The following TPD52 variants were observed in gnomAD, a reference collection of about 807,000 sequenced individuals.
TPD52 encodes prostate and colon associated protein.
In TPD52, 17 loss-of-function variants were observed where a neutral mutation model predicts 31.3. The ratio of observed to expected loss-of-function variants is 0.54; its 90% CI spans 0.37 to 0.82. The LOEUF is 0.82. TPD52 is among the 40% of genes least tolerant of loss of function. TPD52 has a pLI of 0.00. For missense variants in TPD52, 212 were observed against 240.1 expected (o/e 0.88, Z 0.77); for synonymous variants, 83 against 89.6 (o/e 0.93, Z 0.42).
intron 1 of TPD52, among the ~76,000 whole-genome samples, chr8:80,161,473 C>T (rs1811356170): frequency 6.6e-6 from 1 of 152,128 alleles, no homozygotes; most frequent in South Asian, 2.1e-4. Flanking sequence ...TACATTCATA[C>T]TTGAACTGCA....
intron 1 of TPD52, among the ~76,000 whole-genome samples, chr8:80,087,125 T>A (rs1226635851): frequency 6.6e-6 from 1 of 152,108 alleles, no homozygotes; most frequent in Non-Finnish European, 1.5e-5. Flanking sequence ...GAGTAGAGAA[T>A]GCAGGTGTCC....
At chr8:80,142,108 C>T (rs987460549) in intron 1 of TPD52, among the ~76,000 whole-genome samples, 5 of 152,134 alleles carry the variant, frequency 3.3e-5, no homozygotes, top group Non-Finnish European at 7.3e-5. Context: ...GAATCTCACT[C>T]ACCAGCATCA....
intron 1 of TPD52, among the ~76,000 whole-genome samples, chr8:80,121,768 T>G (rs1233082726): frequency 2.0e-5 from 3 of 152,172 alleles, no homozygotes; most frequent in African/African-American, 7.2e-5. Context: ...TGGTCCTCTT[T>G]TATCTCCTTT....
At chr8:80,074,339 C>T (rs1034160149) in intron 1 of TPD52, among the ~76,000 whole-genome samples, 2 of 152,096 alleles carry the variant, frequency 1.3e-5, no homozygotes, top group African/African-American at 2.4e-5. Flanking sequence ...ATGTTTTTTC[C>T]CCATGTTAAG....
At chr8:80,096,291 A>AAC (rs34309218) in intron 1 of TPD52, among the ~76,000 whole-genome samples, 2,041 of 146,892 alleles carry the variant, frequency 0.014, 28 homozygotes, top group African/African-American at 0.033. Context: ...CACACACACA[A>AAC]ACACACACAC....
chr8:80,042,244 C>A, intron 7 of TPD52: 3 of 985,338 alleles, frequency 3.0e-6, no homozygotes, highest in Non-Finnish European at 3.6e-6. Context: ...AGTGGTAGGA[C>A]CAATTTTTTG....
chr8:80,052,541 T>C (rs1316580437), intron 3 of TPD52: 3 of 1,069,180 alleles, frequency 2.8e-6, no homozygotes, highest in African/African-American at 1.7e-5. Flanking sequence ...ACTCAAGTAC[T>C]GTCATGTTAA....
At position 80,044,305 on chromosome 8, in the gene TPD52, A is replaced by G. The variant is rs1001654803; in HGVS notation, c.414-97T>C. The G allele has an allele frequency of 8.6e-6, 8 of 926,596 alleles. No homozygotes were observed. In the African/African-American group the frequency reaches 1.4e-4, roughly 16 times the overall value. The allele number at this position is 926,596 out of a possible 1,614,324, so 57.4% of individuals were successfully genotyped here. On this transcript the variant is annotated intron_variant, in intron 5 of 7. Transcript: ENST00000518937. ...CAAAACTTAGCTCCCCAGGAGCTTT[A>G]TTCTCTTGGCGCCATGAAGAATTAC... is the stretch of plus-strand genomic sequence containing the variant.
intron 2 of TPD52, among the ~76,000 whole-genome samples, chr8:80,062,557 T>G (rs1183856300): frequency 6.6e-6 from 1 of 152,190 alleles, no homozygotes; most frequent in South Asian, 2.1e-4. Context: ...CTAGGACTAC[T>G]ATAATCAACA....
chr8:80,094,846 A>C (rs1048869245), intron 1 of TPD52, among the ~76,000 whole-genome samples: 3 of 152,136 alleles, frequency 2.0e-5, no homozygotes, highest in African/African-American at 7.2e-5. Flanking sequence ...CTTTCCTGAA[A>C]ATATAAGCAA....
At chr8:80,072,933 A>G (rs1171234167) in intron 1 of TPD52, among the ~76,000 whole-genome samples, 1 of 151,660 alleles carries the variant, frequency 6.6e-6, no homozygotes, top group East Asian at 1.9e-4. Flanking sequence ...TGAAACCTCA[A>G]CTCTACTAAA....
chr8:80,049,043 T>C (rs778906280), intron 5 of TPD52, among the ~76,000 whole-genome samples: 10 of 152,332 alleles, frequency 6.6e-5, no homozygotes, highest in Admixed American at 2.0e-4. Flanking sequence ...CTTTAAGGTA[T>C]AGAAAGGTAT....
intron 2 of TPD52, among the ~76,000 whole-genome samples, chr8:80,057,717 T>C (rs1456516395): frequency 6.6e-6 from 1 of 152,128 alleles, no homozygotes; most frequent in East Asian, 1.9e-4. Context: ...TGTTCACTAC[T>C]TGGGCAACAG....
At chr8:80,141,987 C>G (rs4581097) in intron 1 of TPD52, among the ~76,000 whole-genome samples, 77,396 of 151,810 alleles carry the variant, frequency 0.51, 20,243 homozygotes, top group East Asian at 0.78. Context: ...GCAATAGATA[C>G]TAAGATAATA....
intron 1 of TPD52, among the ~76,000 whole-genome samples, chr8:80,094,209 A>G (rs1435172580): frequency 6.6e-6 from 1 of 151,970 alleles, no homozygotes; most frequent in Non-Finnish European, 1.5e-5. Flanking sequence ...CTCCTGAAAC[A>G]CAGCCAGATC....
rs530019172 is a variant in TPD52 at position 80,126,287 on chromosome 8, T to A, written c.19+45138A>T. Reference sequence around the variant, plus strand: ...TCTCAAATTCTATAACTTATTCTGGTTTTATTCTTTTCTTTCACAGGGAAA... The same window carrying A: ...TCTCAAATTCTATAACTTATTCTGGATTTATTCTTTTCTTTCACAGGGAAA... On this transcript the variant is annotated intron_variant, in intron 1 of 7. Coordinates refer to ENST00000518937, the MANE Select transcript of TPD52 (RefSeq NM_001025253.3). 2.4e-4 allele frequency among the ~76,000 whole-genome samples: 37 copies of A among 152,192 alleles called. 1 individual carries two copies. The South Asian group carries it at 7.1e-3, about 29-fold the overall frequency.
chr8:80,054,744 G>GAAA (rs34889193), intron 2 of TPD52, among the ~76,000 whole-genome samples: 7 of 144,650 alleles, frequency 4.8e-5, no homozygotes, highest in South Asian at 4.3e-4. Flanking sequence ...CAGCTGCCAA[G>GAAA]AAAAAAAAAA....
intron 1 of TPD52, among the ~76,000 whole-genome samples, chr8:80,089,181 A>G (rs912972036): frequency 6.6e-6 from 1 of 152,248 alleles, no homozygotes; most frequent in African/African-American, 2.4e-5. Context: ...CCCTGCATGG[A>G]ACAGAAGCGG....
intron 1 of TPD52, among the ~76,000 whole-genome samples, chr8:80,166,833 G>A (rs1298852454): frequency 6.6e-6 from 1 of 152,040 alleles, no homozygotes; most frequent in Non-Finnish European, 1.5e-5. Context: ...TTGAACCCAG[G>A]AGGCAGAGGT....
Sources: gnomAD v4.1 joint callset for allele counts (sites outside exome capture counted in the v4.1 genomes callset) on GRCh38, gnomAD v4.1.1 for gene constraint, MANE v1.5 for transcripts, NCBI Gene and HGNC (gene_info 2026-07-23, HGNC 2026-07-21) for gene names.